Variants in CAMKK2 observed in about 807,000 individuals in gnomAD.
CAMKK2 encodes the protein calcium/calmodulin-dependent protein kinase kinase 2.
CAMKK2 carries 30 observed loss-of-function variants against 67.2 expected under a neutral mutation model. The observed-to-expected ratio is 0.45, with a 90% CI of 0.33 to 0.61. The LOEUF (loss-of-function observed/expected upper bound fraction) is 0.61, where lower values mean the gene tolerates loss of function less well. CAMKK2 is among the 20% of genes least tolerant of loss of function. The pLI is 0.02. For synonymous variants in CAMKK2, 322 were observed against 326.2 expected (o/e 0.99, Z 0.14); for missense variants, 643 against 802.0 (o/e 0.80, Z 2.39).
At chr12:121,242,892 G>A (rs569838220) in intron 16 of CAMKK2, among the ~76,000 whole-genome samples, 8 of 152,082 alleles carry the variant, frequency 5.3e-5, no homozygotes, top group East Asian at 1.9e-4. Flanking sequence ...ACAGGCGCCC[G>A]CCACCGCGCC....
intron 11 of CAMKK2, among the ~76,000 whole-genome samples, chr12:121,250,596 C>A (rs1271220010): frequency 6.6e-6 from 1 of 152,132 alleles, no homozygotes; most frequent in Non-Finnish European, 1.5e-5. Context: ...CTGTCTAAAA[C>A]AGACAACCCC....
rs536437092 is a variant in CAMKK2, at chr12:121,285,371, C to T, written c.-59-10786G>A. Among the ~76,000 whole-genome samples, 60 of 152,240 alleles carry T rather than the reference C, an allele frequency of 3.9e-4. No individual in the cohort carries two copies. The highest frequency in any genetic ancestry group is 5.3e-4 in the Non-Finnish European group (36 of 68,018). Reference sequence around the variant, plus strand: ...TACAGAAATTAGCCAGGTATGGTGGCGCATGCCTGTTATCCCAGCTACTCA... The same window carrying T: ...TACAGAAATTAGCCAGGTATGGTGGTGCATGCCTGTTATCCCAGCTACTCA... On this transcript the variant is annotated intron_variant, in intron 1 of 16. Coordinates refer to ENST00000404169, the MANE Select transcript of CAMKK2 (RefSeq NM_001270485.2). This position sits in a 1 kb window ranked among gnomAD's most constrained non-coding sequence, Gnocchi z 4.1.
chr12:121,248,683 C>T lies in CAMKK2; in HGVS notation c.1375G>A (p.Glu459Lys), dbSNP rs1427750562. Residue 459 changes from glutamate (E) to lysine (K), a missense_variant, in exon 14 of 17, where the codon GAG becomes AAG. Physicochemically the swap from Glu to Lys is moderately conservative, Grantham distance 56. Coordinates refer to ENST00000404169, the MANE Select transcript of CAMKK2 (RefSeq NM_001270485.2). ...GTCACTTCGACCAGCGTGCAGTTCT[C>T]ATCCTCCGACGGCAACGGCTCCGCC... ...HGAEPLPSED[E>K]NCTLVEVTEE... The T allele has an allele frequency of 2.5e-6, 4 of 1,614,096 alleles. No individual in the cohort carries two copies. The highest frequency in any genetic ancestry group is 1.3e-5 in the African/African-American group (1 of 74,952).
chr12:121,260,391 T>C (rs370000385), intron 6 of CAMKK2, 36 bp from the exon 7 acceptor site: 18 of 1,601,720 alleles, frequency 1.1e-5, no homozygotes, highest in African/African-American at 4.0e-5. Context: ...AGGAGACGGA[T>C]GGCGGGGGAG....
rs1051116184 is a variant in CAMKK2, at chr12:121,239,565, T to C, written c.*1134A>G. 1 of 152,244 alleles carries C rather than the reference T, an allele frequency of 6.6e-6. No individual in the cohort carries two copies. Among genetic ancestry groups the C allele is most frequent in the South Asian group, 2.1e-4 (1 of 4,836 alleles). The allele number at this position is 152,244 out of a possible 1,614,324, so 9.4% of individuals were successfully genotyped here. A position where few individuals can be genotyped will look rare whatever the true frequency, so the allele number is the denominator to read the frequency against. On this transcript the variant is annotated 3_prime_UTR_variant, in exon 17 of 17. Coordinates refer to ENST00000404169, the MANE Select transcript of CAMKK2 (RefSeq NM_001270485.2). ...GATCCTCAGGATGATCATTTGTGTG[T>C]TGGTCCAGTGAAAGCATTTCCCACC...
At chr12:121,277,110 AG>A (rs888046228) in intron 1 of CAMKK2, among the ~76,000 whole-genome samples, 1 of 152,176 alleles carries the variant, frequency 6.6e-6, no homozygotes, top group African/African-American at 2.4e-5. Flanking sequence ...TCCTTCCAGA[AG>A]AACTGATGAA....
chr12:121,277,792 C>T (rs1416270692), intron 1 of CAMKK2, among the ~76,000 whole-genome samples: 1 of 152,090 alleles, frequency 6.6e-6, no homozygotes, highest in African/African-American at 2.4e-5. Context: ...TATGGTGAAA[C>T]CCCATCTCTA....
intron 6 of CAMKK2, among the ~76,000 whole-genome samples, chr12:121,261,614 A>T (rs1893471082): frequency 6.6e-6 from 1 of 152,220 alleles, no homozygotes; most frequent in African/African-American, 2.4e-5. Flanking sequence ...CCTGTGGGGA[A>T]GGCACACCCA....
chr12:121,291,745 T>C (rs1900064404), intron 1 of CAMKK2, among the ~76,000 whole-genome samples: 1 of 151,782 alleles, frequency 6.6e-6, no homozygotes, highest in African/African-American at 2.4e-5. Flanking sequence ...TAAATGCCAC[T>C]GAATTGTTCA....
upstream of CAMKK2, chr12:121,297,603 G>A (rs1901521049): frequency 1.9e-6 from 1 of 516,614 alleles, no homozygotes; most frequent in South Asian, 1.4e-5. Context: ...CGGGGAAGAG[G>A]AGAAACGAAG....
intron 7 of CAMKK2, 95 bp from the exon 8 acceptor site, chr12:121,255,899 A>G: frequency 1.7e-6 from 2 of 1,148,268 alleles, no homozygotes; most frequent in Non-Finnish European, 2.6e-6. Flanking sequence ...AGAAACACCA[A>G]GAAAGACAGA....
At chr12:121,296,933 G>A (rs34577784), upstream of CAMKK2, among the ~76,000 whole-genome samples, 2 of 151,722 alleles carry the variant, frequency 1.3e-5, no homozygotes, top group African/African-American at 2.4e-5. The surrounding 1 kb of genome is among the most constrained non-coding windows in gnomAD (Gnocchi z 7.1). Flanking sequence ...GGGGAGGCGG[G>A]AGCCTGCAAA....
rs1208004245 is a variant in CAMKK2 at position 121,240,899 on chromosome 12, G to C, written c.1597-30C>G. 6.2e-7 allele frequency: 1 copy of C among 1,608,898 alleles called. No individual in the cohort carries two copies. The highest frequency in any genetic ancestry group is 8.5e-7 in the Non-Finnish European group (1 of 1,178,864). On this transcript the variant is annotated intron_variant, in intron 16 of 16. Coordinates refer to ENST00000404169, the MANE Select transcript of CAMKK2 (RefSeq NM_001270485.2). This position sits in a 1 kb window ranked among gnomAD's most constrained non-coding sequence, Gnocchi z 4.4. ...TCACCGAACAGAAAACCAACATTAA[G>C]ACTCTGAGAAATGCCAGCGAGGCCC...
At chr12:121,269,385 C>G in intron 4 of CAMKK2, 143 bp downstream of exon 4, 1 of 692,170 alleles carries the variant, frequency 1.4e-6, no homozygotes, top group East Asian at 2.7e-5. Flanking sequence ...GGGCATACCA[C>G]TTCCTTCCTA....
chr12:121,258,694 C>T (rs1444335741), intron 7 of CAMKK2, among the ~76,000 whole-genome samples: 5 of 152,150 alleles, frequency 3.3e-5, no homozygotes. Context: ...ACTGCCACCT[C>T]GAGTTGTGAA....
intron 16 of CAMKK2, chr12:121,244,257 GCTT>G: frequency 2.2e-6 from 2 of 899,322 alleles, no homozygotes; most frequent in Non-Finnish European, 3.5e-6. Context: ...CTGTGACAGA[GCTT>G]CAACACCATT....
intron 1 of CAMKK2, among the ~76,000 whole-genome samples, chr12:121,288,146 C>T (rs1899143258): frequency 6.6e-6 from 1 of 152,144 alleles, no homozygotes; most frequent in East Asian, 1.9e-4. Context: ...TCCTCTTCCC[C>T]CACTGCATCC....
chr12:121,278,805 T>G (rs1181590812), intron 1 of CAMKK2, among the ~76,000 whole-genome samples: 1 of 152,230 alleles, frequency 6.6e-6, no homozygotes, highest in African/African-American at 2.4e-5. Flanking sequence ...GAAAACGGAC[T>G]AATACAGATG....
chr12:121,268,882 G>T (rs2136382857), intron 4 of CAMKK2, among the ~76,000 whole-genome samples, 193 bp from the exon 5 acceptor site: 1 of 152,264 alleles, frequency 6.6e-6, no homozygotes, highest in African/African-American at 2.4e-5. Context: ...TTGTAGGGAG[G>T]CTGGACTCCT....
Sources: gnomAD v4.1 joint callset for allele counts (sites outside exome capture counted in the v4.1 genomes callset) on GRCh38, gnomAD v4.1.1 for gene constraint, Gnocchi (gnomAD v3.1) non-coding constraint, MANE v1.5 for transcripts, NCBI Gene and HGNC (gene_info 2026-07-23, HGNC 2026-07-21) for gene names.